The following RALGAPB variants were observed in gnomAD, a reference collection of about 807,000 sequenced individuals.
RALGAPB encodes Ral GTPase activating protein non-catalytic subunit beta.
A neutral mutation model predicts 161.1 loss-of-function variants in RALGAPB; 25 were observed. That is an observed-to-expected ratio of 0.16 (90% CI 0.11 to 0.22). The LOEUF (loss-of-function observed/expected upper bound fraction) is 0.22. RALGAPB is among the 10% of genes least tolerant of loss of function. The pLI is 1.00. For synonymous variants in RALGAPB, 629 were observed against 626.1 expected (o/e 1.00, Z -0.07); for missense variants, 1,391 against 1,815.2 (o/e 0.77, Z 4.25).
chr20:38,509,093 T>C lies in RALGAPB; in HGVS notation c.757T>C (p.Tyr253His). 6.2e-7 allele frequency: 1 copy of C among 1,613,762 alleles called. No homozygotes were observed. The highest frequency in any genetic ancestry group is 1.1e-5 in the South Asian group (1 of 91,076). ...ALTSRLLRFT[Y>H]GPSFPAFKVP... ...ATTTTCTAGATTGCTACGCTTTACA[T>C]ATGGTCCTTCATTTCCTGCATTTAA... Residue 253 changes from tyrosine (Y) to histidine (H), a missense_variant, in exon 6 of 30, where the codon TAT (tyrosine) becomes CAT (histidine). Physicochemically the swap from Tyr to His is moderately conservative, Grantham distance 83. This residue lies in a region of RALGAPB where 946 missense variants were observed against 1,257.2 expected (regional missense o/e 0.75). Transcript: ENST00000262879.
chr20:38,529,614 C>T (rs2086586341), intron 13 of RALGAPB, among the ~76,000 whole-genome samples: 1 of 151,632 alleles, frequency 6.6e-6, no homozygotes. Context: ...GGGTGGATCA[C>T]GAGGTGAGGA....
rs1311771021 is a variant in RALGAPB, at chr20:38,531,112, G to A, written c.2051-55G>A. 10 of 1,364,272 alleles carry A rather than the reference G, an allele frequency of 7.3e-6. No homozygotes were observed. The East Asian group carries it at 1.8e-4, about 25-fold the overall frequency. 84.5% of individuals were successfully genotyped at this position (1,364,272 alleles called of 1,614,324 possible). On this transcript the variant is annotated intron_variant, in intron 13 of 29. Coordinates refer to ENST00000262879, the MANE Select transcript of RALGAPB (RefSeq NM_020336.4). ...CTATTAATCATATAAAATGTCTTAC[G>A]CATTTTAGTGTTCTTGTGTATTTTA...
At chr20:38,512,500 TGTA>T (rs2085991271) in intron 6 of RALGAPB, among the ~76,000 whole-genome samples, 1 of 152,260 alleles carries the variant, frequency 6.6e-6, no homozygotes, top group Admixed American at 6.5e-5. Flanking sequence ...AGAAAAAGCA[TGTA>T]AAACGGCATG....
chr20:38,497,411 A>G lies in RALGAPB; in HGVS notation c.448A>G (p.Lys150Glu). The G allele has an allele frequency of 1.2e-6, 2 of 1,614,114 alleles. No individual in the cohort carries two copies. Among genetic ancestry groups the G allele is most frequent in the Non-Finnish European group, 8.5e-7 (1 of 1,179,966 alleles). ...LCLQVLRAIQ[K>E]LARESSLMAR... ...CTTACAGGTCCTGAGAGCCATTCAG[A>G]AACTGGCCCGTGAGTCATCTCTCAT... The change falls in exon 4 of 30, where the codon AAA (lysine) becomes GAA (glutamate). Residue 150 changes from lysine (K) to glutamate (E), a missense_variant. Lys to Glu is a moderately conservative substitution (Grantham distance 56). Coordinates refer to ENST00000262879, the MANE Select transcript of RALGAPB (RefSeq NM_020336.4).
chr20:38,549,610 G>A (rs981211255), intron 20 of RALGAPB, among the ~76,000 whole-genome samples: 8 of 148,080 alleles, frequency 5.4e-5, no homozygotes, highest in African/African-American at 2.0e-4. Flanking sequence ...ACATATGTAT[G>A]CTGTGTATAA....
chr20:38,516,516 CAAATA>C (rs773383262), intron 7 of RALGAPB, 146 bp downstream of exon 7: 61 of 782,908 alleles, frequency 7.8e-5, no homozygotes, highest in Non-Finnish European at 1.1e-4. Context: ...TTATTTGCAA[CAAATA>C]AAATAGCCAG....
chr20:38,513,930 G>T (rs1186295285), intron 6 of RALGAPB, among the ~76,000 whole-genome samples: 1 of 152,088 alleles, frequency 6.6e-6, no homozygotes, highest in African/African-American at 2.4e-5. Context: ...ATGGTCTGTT[G>T]TGTCAAAGTT....
intron 1 of RALGAPB, among the ~76,000 whole-genome samples, chr20:38,487,930 G>A (rs1303580): frequency 0.63 from 96,086 of 151,730 alleles, 35,170 homozygotes; most frequent in East Asian, 0.91. Flanking sequence ...GTCGGGCATG[G>A]TGGTGCATGC....
At chr20:38,524,445 C>CT (rs1347305713) in intron 10 of RALGAPB, among the ~76,000 whole-genome samples, 1 of 151,972 alleles carries the variant, frequency 6.6e-6, no homozygotes, top group African/African-American at 2.4e-5. Context: ...GCCCCTAGAA[C>CT]TTTGAGTTGC....
At chr20:38,558,645 T>C (rs2087679771) in intron 23 of RALGAPB, among the ~76,000 whole-genome samples, 192 bp downstream of exon 23, 1 of 152,042 alleles carries the variant, frequency 6.6e-6, no homozygotes, top group Admixed American at 6.5e-5. Flanking sequence ...AAAGGATGAG[T>C]CAGGAGAGTA....
intron 1 of RALGAPB, among the ~76,000 whole-genome samples, chr20:38,481,099 C>G (rs972915561): frequency 1.1e-4 from 16 of 152,098 alleles, no homozygotes; most frequent in Non-Finnish European, 1.9e-4. Flanking sequence ...CAAAATTATA[C>G]CCTTCCTTCA....
At chr20:38,473,949 T>G (rs983994607) in intron 1 of RALGAPB, among the ~76,000 whole-genome samples, 2 of 152,206 alleles carry the variant, frequency 1.3e-5, no homozygotes, top group Admixed American at 6.5e-5. Context: ...CCAGCTTAAG[T>G]GTGCAGGAGA....
intron 6 of RALGAPB, 143 bp from the exon 7 acceptor site, chr20:38,516,049 A>G: frequency 1.7e-6 from 1 of 595,112 alleles, no homozygotes; most frequent in Non-Finnish European, 2.8e-6. Context: ...TTGAGATTTG[A>G]ATCGCTGGCC....
intron 5 of RALGAPB, among the ~76,000 whole-genome samples, chr20:38,501,053 G>T (rs2085578881): frequency 6.6e-6 from 1 of 152,208 alleles, no homozygotes; most frequent in African/African-American, 2.4e-5. Context: ...CAGCAAGTGT[G>T]ATGGAGAAGC....
At chr20:38,478,147 T>C (rs1313454583) in intron 1 of RALGAPB, among the ~76,000 whole-genome samples, 1 of 152,132 alleles carries the variant, frequency 6.6e-6, no homozygotes. Flanking sequence ...AGTTGACTTA[T>C]CCAAAGTCAT....
At chr20:38,562,735 G>C (rs772982406) in intron 24 of RALGAPB, 38 bp downstream of exon 24, 1 of 1,537,536 alleles carries the variant, frequency 6.5e-7, no homozygotes, top group East Asian at 2.3e-5. Flanking sequence ...GTTGTTTCTT[G>C]TTTGTTAGTC....
chr20:38,493,296 T>G (rs2085329120), intron 3 of RALGAPB, among the ~76,000 whole-genome samples, 164 bp downstream of exon 3: 1 of 152,236 alleles, frequency 6.6e-6, no homozygotes, highest in Non-Finnish European at 1.5e-5. Context: ...GATGGGCTTA[T>G]GTAATGTTTA....
chr20:38,532,951 A>G, intron 15 of RALGAPB, 92 bp downstream of exon 15: 1 of 1,349,642 alleles, frequency 7.4e-7, no homozygotes. Context: ...GTTAATGTTC[A>G]TGTTTTTTAT....
At chr20:38,555,630 G>A (rs1484710136) in intron 22 of RALGAPB, among the ~76,000 whole-genome samples, 2 of 152,126 alleles carry the variant, frequency 1.3e-5, no homozygotes, top group Non-Finnish European at 2.9e-5. Context: ...GGACTTCAGG[G>A]ACACAAGAAA....
Sources: gnomAD v4.1 joint callset for allele counts (sites outside exome capture counted in the v4.1 genomes callset) on GRCh38, gnomAD v4.1.1 for gene constraint, gnomAD v4.1.1 regional missense constraint, MANE v1.5 for transcripts, NCBI Gene and HGNC (gene_info 2026-07-23, HGNC 2026-07-21) for gene names.